Variants in EPHA6 observed in about 807,000 individuals in gnomAD.
The protein encoded by EPHA6 is EPH receptor A6, also known as ephrin type-A receptor 6.
In EPHA6, 50 loss-of-function variants were observed where a neutral mutation model predicts 112.0. The observed-to-expected ratio is 0.45, with a 90% CI of 0.36 to 0.56. The LOEUF is 0.56. Ranked by LOEUF, EPHA6 falls within the 20% of genes least tolerant of loss-of-function variation. EPHA6 has a pLI of 0.00. For synonymous variants in EPHA6, 529 were observed against 490.7 expected, an observed-to-expected ratio of 1.08 and a Z score of -1.03; for missense variants, 1,280 against 1,417.4, an observed-to-expected ratio of 0.90 and a Z score of 1.56.
chr3:97,459,940 T>A (rs1280985970), intron 7 of EPHA6, among the ~76,000 whole-genome samples: 1 of 152,180 alleles, frequency 6.6e-6, no homozygotes, highest in Non-Finnish European at 1.5e-5. Context: ...TATGACCTGC[T>A]CACCAGAACC....
At chr3:97,655,735 C>G (rs1576215992) in intron 14 of EPHA6, among the ~76,000 whole-genome samples, 1 of 127,314 alleles carries the variant, frequency 7.9e-6, no homozygotes, top group South Asian at 2.4e-4. Flanking sequence ...AGTGGAACAT[C>G]ACACACTGGG....
chr3:96,996,444 A>G (rs1576284937), intron 3 of EPHA6, among the ~76,000 whole-genome samples: 1 of 152,080 alleles, frequency 6.6e-6, no homozygotes, highest in Non-Finnish European at 1.5e-5. Context: ...AGGAATCACT[A>G]TGGCAGCTAT....
chr3:97,632,724 T>G (rs548301633), intron 13 of EPHA6, among the ~76,000 whole-genome samples: 1 of 152,000 alleles, frequency 6.6e-6, no homozygotes, highest in Non-Finnish European at 1.5e-5. Flanking sequence ...TAGGGGTGAA[T>G]TGAGCACATG....
At chr3:97,677,305 A>T (rs1385537693) in intron 14 of EPHA6, among the ~76,000 whole-genome samples, 1 of 152,194 alleles carries the variant, frequency 6.6e-6, no homozygotes, top group African/African-American at 2.4e-5. Context: ...GTTAACATTG[A>T]TTTTAATTTT....
intron 10 of EPHA6, among the ~76,000 whole-genome samples, chr3:97,514,742 C>T (rs990524485): frequency 6.6e-6 from 1 of 152,042 alleles, no homozygotes; most frequent in African/African-American, 2.4e-5. Flanking sequence ...TTGTTAGCCT[C>T]ATAGAAGAGA....
chr3:97,312,251 C>T (rs1378251846), intron 5 of EPHA6, among the ~76,000 whole-genome samples: 3 of 151,620 alleles, frequency 2.0e-5, no homozygotes, highest in Non-Finnish European at 4.4e-5. Context: ...ATCTTCCTTT[C>T]TAATTTTATG....
intron 2 of EPHA6, among the ~76,000 whole-genome samples, chr3:96,956,557 C>CTA (rs2041767254): frequency 6.6e-6 from 1 of 152,084 alleles, no homozygotes; most frequent in South Asian, 2.1e-4. Flanking sequence ...GAACAGCATG[C>CTA]TATAGAGCTT....
chr3:97,696,921 T>C (rs2033081618), intron 14 of EPHA6, among the ~76,000 whole-genome samples: 1 of 152,170 alleles, frequency 6.6e-6, no homozygotes, highest in Non-Finnish European at 1.5e-5. Flanking sequence ...TTGCGATACA[T>C]AATTGTAAAT....
At chr3:96,965,613 T>C (rs951012476) in intron 2 of EPHA6, among the ~76,000 whole-genome samples, 4 of 152,148 alleles carry the variant, frequency 2.6e-5, no homozygotes, top group African/African-American at 7.2e-5. Flanking sequence ...AAACCTGTCA[T>C]CTACCAGTTT....
chr3:97,483,900 A>G (rs1202999015), intron 9 of EPHA6, 34 bp from the exon 10 acceptor site: 2 of 1,577,830 alleles, frequency 1.3e-6, no homozygotes, highest in African/African-American at 1.4e-5. Context: ...GAGATACTCA[A>G]ACTAAATCAA....
chr3:96,954,364 ATC>A (rs2041673472), intron 2 of EPHA6, among the ~76,000 whole-genome samples: 1 of 152,062 alleles, frequency 6.6e-6, no homozygotes, highest in African/African-American at 2.4e-5. Flanking sequence ...TTTCCCCAAT[ATC>A]TCTTTGAACT....
At position 97,267,742 on chromosome 3, in the gene EPHA6, A is replaced by T. The variant is rs77931231; in HGVS notation, c.1606+23455A>T. Among the ~76,000 whole-genome samples, 846 of 152,220 alleles carry T rather than the reference A, an allele frequency of 5.6e-3. 10 individuals carry two copies. The highest frequency in any genetic ancestry group is 0.019 in the African/African-American group (799 of 41,552). On this transcript the variant is annotated intron_variant, in intron 5 of 17. Coordinates refer to ENST00000389672, the MANE Select transcript of EPHA6 (RefSeq NM_001080448.3). ...AGTGGGATAGGGTTAAGTTGGGGAA[A>T]TTCTAGGCCCAAGAAGGAGTTGTAT... is the stretch of plus-strand genomic sequence containing the variant.
intron 2 of EPHA6, among the ~76,000 whole-genome samples, chr3:96,945,170 C>G (rs928922695): frequency 4.6e-5 from 7 of 152,080 alleles, no homozygotes; most frequent in African/African-American, 7.2e-5. Context: ...CTTTTACCAC[C>G]AGTATTGCAA....
At chr3:96,892,022 A>T (rs1476269240) in intron 2 of EPHA6, among the ~76,000 whole-genome samples, 1 of 152,190 alleles carries the variant, frequency 6.6e-6, no homozygotes, top group African/African-American at 2.4e-5. Context: ...AGTTGGAAAG[A>T]CTTACTCATT....
intron 6 of EPHA6, among the ~76,000 whole-genome samples, chr3:97,415,847 A>G (rs1468328529): frequency 6.6e-6 from 1 of 152,136 alleles, no homozygotes; most frequent in Non-Finnish European, 1.5e-5. Context: ...TTCTGCATTC[A>G]GAAACATTGG....
chr3:97,492,490 C>T (rs1490156793), intron 10 of EPHA6, among the ~76,000 whole-genome samples: 3 of 127,492 alleles, frequency 2.4e-5, no homozygotes, highest in Admixed American at 2.0e-4. Flanking sequence ...TGTAGTGAAC[C>T]GAGATAGTGC....
chr3:96,914,092 C>T (rs1028796147), intron 2 of EPHA6, among the ~76,000 whole-genome samples: 1 of 152,030 alleles, frequency 6.6e-6, no homozygotes, highest in Non-Finnish European at 1.5e-5. Flanking sequence ...CTCTTGTACT[C>T]CAGAAGCTGC....
intron 5 of EPHA6, among the ~76,000 whole-genome samples, chr3:97,277,611 G>A (rs1355435248): frequency 6.6e-6 from 1 of 152,102 alleles, no homozygotes; most frequent in South Asian, 2.1e-4. Flanking sequence ...CTACAAACCT[G>A]TATAGCTTGT....
At chr3:97,068,656 T>A (rs1416344135) in intron 3 of EPHA6, among the ~76,000 whole-genome samples, 1 of 151,876 alleles carries the variant, frequency 6.6e-6, no homozygotes. Context: ...GGACTGAATG[T>A]TTTACCCCTA....
Sources: gnomAD v4.1 joint callset for allele counts (sites outside exome capture counted in the v4.1 genomes callset) on GRCh38, gnomAD v4.1.1 for gene constraint, MANE v1.5 for transcripts, NCBI Gene and HGNC (gene_info 2026-07-23, HGNC 2026-07-21) for gene names.